The following YTHDC2 variants were observed in gnomAD, a reference collection of about 807,000 sequenced individuals.
YTHDC2 encodes the protein 3'-5' RNA helicase YTHDC2.
In YTHDC2, 45 loss-of-function variants were observed where a neutral mutation model predicts 174.9. That is an observed-to-expected ratio of 0.26 (90% CI 0.20 to 0.33). The LOEUF (loss-of-function observed/expected upper bound fraction) is 0.33. YTHDC2 is among the 10% of genes least tolerant of loss of function. The pLI is 1.00. For synonymous variants in YTHDC2, 657 were observed against 574.5 expected (o/e 1.14, Z -2.05); for missense variants, 1,650 against 1,723.7 (o/e 0.96, Z 0.76).
Position 113,579,771 on chromosome 5 carries a change from T to A in YTHDC2, c.3354+76T>A, listed in dbSNP as rs1778286339. On this transcript the variant is annotated intron_variant, in intron 24 of 29. Coordinates refer to ENST00000161863, the MANE Select transcript of YTHDC2 (RefSeq NM_022828.5). ...AATTGATATATAATATGATAAAATT[T>A]TTTTCTTTACTATTGAGCCCTTAGT... 5.0e-6 allele frequency: 7 copies of A among 1,391,072 alleles called. No homozygotes were observed. The East Asian group carries it at 1.9e-4, about 38-fold the overall frequency. 86.2% of individuals were successfully genotyped at this position (1,391,072 alleles called of 1,614,324 possible).
chr5:113,546,085 T>C (rs974282568), intron 10 of YTHDC2, among the ~76,000 whole-genome samples: 1 of 152,236 alleles, frequency 6.6e-6, no homozygotes, highest in African/African-American at 2.4e-5. Flanking sequence ...AAAGTGTAGA[T>C]ATTTGTTCAT....
intron 16 of YTHDC2, among the ~76,000 whole-genome samples, chr5:113,555,406 T>C (rs578186165): frequency 6.8e-4 from 103 of 152,144 alleles, no homozygotes; most frequent in Non-Finnish European, 1.3e-3. Context: ...CTGAAATACA[T>C]GTTCTAGTTA....
intron 17 of YTHDC2, among the ~76,000 whole-genome samples, chr5:113,559,156 A>AG (rs113705392): frequency 0.31 from 47,100 of 151,890 alleles, 9,452 homozygotes; most frequent in African/African-American, 0.56. Flanking sequence ...AGGAGCCTGG[A>AG]GGTAAGTCAG....
chr5:113,558,843 A>C (rs1397885589), intron 17 of YTHDC2, among the ~76,000 whole-genome samples: 2 of 149,966 alleles, frequency 1.3e-5, no homozygotes, highest in African/African-American at 4.9e-5. Flanking sequence ...AATCGCTTGA[A>C]CCTGGGAGGC....
chr5:113,532,788 C>T (rs1774764035), intron 4 of YTHDC2, 91 bp from the exon 5 acceptor site: 6 of 1,197,352 alleles, frequency 5.0e-6, no homozygotes, highest in Admixed American at 2.4e-5. Context: ...TGTTATAGAA[C>T]TTCAATTCTA....
At chr5:113,574,744 T>G (rs1317938282) in intron 23 of YTHDC2, among the ~76,000 whole-genome samples, 1 of 152,132 alleles carries the variant, frequency 6.6e-6, no homozygotes, top group Non-Finnish European at 1.5e-5. Context: ...GCCCCCTTCC[T>G]AGGGATATGT....
At chr5:113,562,907 C>G (rs1777086787) in intron 18 of YTHDC2, among the ~76,000 whole-genome samples, 1 of 152,118 alleles carries the variant, frequency 6.6e-6, no homozygotes, top group East Asian at 1.9e-4. Context: ...TATTTAAAGT[C>G]TGCTTATTCA....
intron 4 of YTHDC2, among the ~76,000 whole-genome samples, chr5:113,530,850 AT>A (rs1163313056): frequency 1.3e-5 from 2 of 152,150 alleles, no homozygotes; most frequent in Non-Finnish European, 2.9e-5. Context: ...TAAAAAAAAC[AT>A]TTCTTGCAAG....
rs768575023 is a variant in YTHDC2 at position 113,591,237 on chromosome 5, A to G, written c.4022A>G (p.His1341Arg). ...GTATTTTCTGTTCAAGGATCTGGAC[A>G]TTTCCAGGTGAGCCACCCTGAATCA... Reference protein sequence around the residue: ...YLVFSVQGSGHFQGFSRMSSE... With the variant: ...YLVFSVQGSGRFQGFSRMSSE... Residue 1341 changes from histidine to arginine, a missense_variant, in exon 27 of 30, where the codon CAT (histidine) becomes CGT (arginine). Around this residue, in one of 5 missense-constraint regions of YTHDC2, gnomAD observed 913 missense variants for 940.4 expected, o/e 0.97. Coordinates refer to ENST00000161863, the MANE Select transcript of YTHDC2 (RefSeq NM_022828.5). 4 of 1,613,780 alleles carry G rather than the reference A, an allele frequency of 2.5e-6. No homozygotes were observed. Among genetic ancestry groups the G allele is most frequent in the Admixed American group, 1.7e-5 (1 of 59,982 alleles).
Position 113,515,299 on chromosome 5 carries a change from G to A in YTHDC2, c.215G>A (p.Ser72Asn). 6.2e-7 allele frequency: 1 copy of A among 1,612,360 alleles called. No homozygotes were observed. Among genetic ancestry groups the A allele is most frequent in the Non-Finnish European group, 8.5e-7 (1 of 1,179,682 alleles). The stretch of plus-strand genomic sequence containing the variant: ...ATGGAATTTCCTTCTTCTTTGACCA[G>A]TACTGAAAGAGCCTTTATTCATCGA... Reference protein sequence around the residue: ...REMEFPSSLTSTERAFIHRLS... With the variant: ...REMEFPSSLTNTERAFIHRLS... The change falls in exon 2 of 30, where the codon AGT becomes AAT. Residue 72 changes from serine (S) to asparagine (N), a missense_variant. Ser to Asn is a conservative substitution (Grantham distance 46, BLOSUM62 1). Around this residue, in one of 5 missense-constraint regions of YTHDC2, gnomAD observed 304 missense variants for 341.4 expected, o/e 0.89. Coordinates refer to ENST00000161863, the MANE Select transcript of YTHDC2 (RefSeq NM_022828.5).
At chr5:113,518,107 C>G (rs1177615156) in intron 2 of YTHDC2, among the ~76,000 whole-genome samples, 1 of 151,752 alleles carries the variant, frequency 6.6e-6, no homozygotes, top group African/African-American at 2.4e-5. Context: ...CCAGGATTGT[C>G]TAGATCTCCT....
At chr5:113,571,967 G>A (rs538155908) in intron 23 of YTHDC2, among the ~76,000 whole-genome samples, 19 of 151,924 alleles carry the variant, frequency 1.3e-4, no homozygotes, top group Non-Finnish European at 2.4e-4. Flanking sequence ...TGTCTCTATC[G>A]CCTTCACTTC....
rs780891903 is a variant in YTHDC2 at position 113,579,557 on chromosome 5, G to T, written c.3245-29G>T. 3.3e-6 allele frequency: 5 copies of T among 1,517,988 alleles called. No homozygotes were observed. The South Asian group carries it at 5.1e-5, about 15-fold the overall frequency. The allele number at this position is 1,517,988 out of a possible 1,614,324, so 94.0% of individuals were successfully genotyped here. On this transcript the variant is annotated intron_variant, in intron 23 of 29. Transcript: ENST00000161863. ...TGCCATAACGTAAGAAGGTAAAAGT[G>T]ATTTTTTTTTCATTATGTACTTGGA...
At chr5:113,530,643 T>A (rs1774591781) in intron 4 of YTHDC2, among the ~76,000 whole-genome samples, 1 of 152,226 alleles carries the variant, frequency 6.6e-6, no homozygotes, top group Non-Finnish European at 1.5e-5. Flanking sequence ...ACATAAGATA[T>A]ATACATAATC....
chr5:113,540,928 A>G (rs775633120), intron 8 of YTHDC2, 40 bp from the exon 9 acceptor site: 3 of 1,570,136 alleles, frequency 1.9e-6, no homozygotes, highest in Non-Finnish European at 2.6e-6. Flanking sequence ...CAAAAAGGAA[A>G]TGATTTGTCT....
At chr5:113,546,264 G>C (rs184896485) in intron 10 of YTHDC2, among the ~76,000 whole-genome samples, 1 of 152,078 alleles carries the variant, frequency 6.6e-6, no homozygotes, top group African/African-American at 2.4e-5. Context: ...CTTTCTTCCT[G>C]ATATTTCTTT....
At chr5:113,515,139 TAA>T in intron 1 of YTHDC2, 131 bp from the exon 2 acceptor site, 1 of 510,148 alleles carries the variant, frequency 2.0e-6, no homozygotes. Context: ...ATATGAAATA[TAA>T]AGTTAACCTC....
At chr5:113,528,939 T>G (rs1774472959) in intron 4 of YTHDC2, among the ~76,000 whole-genome samples, 1 of 152,168 alleles carries the variant, frequency 6.6e-6, no homozygotes, top group South Asian at 2.1e-4. Context: ...GTGGGGGGTT[T>G]GTATGTTTTG....
At chr5:113,591,807 T>G (rs1445955859) in intron 27 of YTHDC2, among the ~76,000 whole-genome samples, 189 bp from the exon 28 acceptor site, 1 of 152,144 alleles carries the variant, frequency 6.6e-6, no homozygotes, top group Admixed American at 6.6e-5. Flanking sequence ...ACTGTTTTTT[T>G]CTAAAATTTG....
Sources: gnomAD v4.1 joint callset for allele counts (sites outside exome capture counted in the v4.1 genomes callset) on GRCh38, gnomAD v4.1.1 for gene constraint, gnomAD v4.1.1 regional missense constraint, MANE v1.5 for transcripts, NCBI Gene and HGNC (gene_info 2026-07-23, HGNC 2026-07-21) for gene names.